Variants in LIMS1 observed in about 807,000 individuals in gnomAD.
LIMS1 encodes LIM and senescent cell antigen-like-containing domain protein 1.
A neutral mutation model predicts 44.1 loss-of-function variants in LIMS1; 18 were observed. That is an observed-to-expected ratio of 0.41 (90% CI 0.28 to 0.61). LIMS1 has a LOEUF of 0.61. Among genes scored for constraint, LIMS1 ranks in the 20% least tolerant of loss-of-function variants. The pLI is 0.32. For synonymous variants in LIMS1, 93 were observed against 149.1 expected, an observed-to-expected ratio of 0.62 and a Z score of 2.74; for missense variants, 201 against 422.0, an observed-to-expected ratio of 0.48 and a Z score of 4.59.
chr2:108,554,537 C>A (rs1684857424), intron 1 of LIMS1, among the ~76,000 whole-genome samples: 1 of 152,154 alleles, frequency 6.6e-6, no homozygotes, highest in Admixed American at 6.5e-5. Flanking sequence ...AACAGCTTGC[C>A]ATTAGAGCTA....
At chr2:108,551,489 GCGCACACACACACACACACA>G (rs1168761418) in intron 1 of LIMS1, among the ~76,000 whole-genome samples, 2 of 111,976 alleles carry the variant, frequency 1.8e-5, no homozygotes, top group Admixed American at 9.4e-5. Flanking sequence ...ATGCGCGCGC[GCGCACACACACACACACACA>G]CACACACACA....
intron 1 of LIMS1, among the ~76,000 whole-genome samples, chr2:108,535,158 TTAG>T (rs1198953220): frequency 1.3e-5 from 2 of 152,248 alleles, no homozygotes; most frequent in East Asian, 3.8e-4. Context: ...GTTGTCTGAC[TTAG>T]TAGAGACAAC....
chr2:108,674,922 C>T (rs549324424), intron 5 of LIMS1, among the ~76,000 whole-genome samples: 94 of 151,126 alleles, frequency 6.2e-4, no homozygotes, highest in African/African-American at 2.2e-3. Flanking sequence ...CAAACAAGTC[C>T]GTTTGACTAA....
chr2:108,626,685 T>A (rs771057302), intron 1 of LIMS1, among the ~76,000 whole-genome samples: 2 of 152,244 alleles, frequency 1.3e-5, no homozygotes, highest in Non-Finnish European at 2.9e-5. Flanking sequence ...ACCTCTTTTA[T>A]TCTAGATTAA....
intron 1 of LIMS1, among the ~76,000 whole-genome samples, chr2:108,634,844 T>C (rs1176323018): frequency 6.6e-6 from 1 of 152,250 alleles, no homozygotes; most frequent in Non-Finnish European, 1.5e-5. Flanking sequence ...AAGGAGCTGC[T>C]GTCCTAGCCA....
intron 1 of LIMS1, among the ~76,000 whole-genome samples, chr2:108,575,140 A>G (rs1685622109): frequency 6.6e-6 from 1 of 152,134 alleles, no homozygotes; most frequent in South Asian, 2.1e-4. Flanking sequence ...TGGGGTTCTC[A>G]ATCTTACAAA....
At chr2:108,639,644 G>T (rs1689533644) in intron 1 of LIMS1, among the ~76,000 whole-genome samples, 1 of 152,008 alleles carries the variant, frequency 6.6e-6, no homozygotes, top group Non-Finnish European at 1.5e-5. Flanking sequence ...GTAGAGACAG[G>T]GTTTCACCAT....
intron 1 of LIMS1, among the ~76,000 whole-genome samples, chr2:108,645,812 A>T (rs1221618707): frequency 6.6e-6 from 1 of 150,884 alleles, no homozygotes; most frequent in African/African-American, 2.4e-5. Context: ...TACCAAGCAA[A>T]TGGAAAGCAA....
chr2:108,558,575 T>G (rs561909954), intron 1 of LIMS1, among the ~76,000 whole-genome samples: 10 of 152,218 alleles, frequency 6.6e-5, no homozygotes, highest in African/African-American at 2.2e-4. Flanking sequence ...TTTTGTTAGA[T>G]GTGAATAAAT....
intron 1 of LIMS1, among the ~76,000 whole-genome samples, chr2:108,538,892 T>A (rs979503856): frequency 2.0e-4 from 30 of 152,216 alleles, no homozygotes; most frequent in Non-Finnish European, 3.1e-4. Flanking sequence ...ATTGCTTTTT[T>A]ACTTCAACAA....
At chr2:108,579,882 A>G (rs1685820963) in intron 1 of LIMS1, among the ~76,000 whole-genome samples, 1 of 152,186 alleles carries the variant, frequency 6.6e-6, no homozygotes, top group South Asian at 2.1e-4. Flanking sequence ...GAATCATCCC[A>G]AGAAGAGTTT....
chr2:108,544,995 A>G (rs1017038162), intron 1 of LIMS1, among the ~76,000 whole-genome samples: 2 of 152,210 alleles, frequency 1.3e-5, no homozygotes, highest in Non-Finnish European at 2.9e-5. Flanking sequence ...TCAACTACAC[A>G]GTGTTTAAAT....
intron 1 of LIMS1, among the ~76,000 whole-genome samples, chr2:108,644,081 TGG>T (rs756978559): frequency 3.3e-5 from 5 of 152,206 alleles, no homozygotes; most frequent in Non-Finnish European, 5.9e-5. Flanking sequence ...GGGGTGGTTG[TGG>T]GCACAGCTTC....
chr2:108,667,403 G>C (rs1691833953), intron 2 of LIMS1, among the ~76,000 whole-genome samples: 1 of 152,042 alleles, frequency 6.6e-6, no homozygotes. Context: ...CTTTCAGCCA[G>C]ATTTTGAACG....
chr2:108,638,809 C>T (rs982401867), intron 1 of LIMS1, among the ~76,000 whole-genome samples: 1 of 151,824 alleles, frequency 6.6e-6, no homozygotes, highest in Admixed American at 6.6e-5. Flanking sequence ...TTGGAGAGGC[C>T]GAGGCGGGTG....
At chr2:108,548,142 G>GA (rs1389747612) in intron 1 of LIMS1, among the ~76,000 whole-genome samples, 1 of 152,170 alleles carries the variant, frequency 6.6e-6, no homozygotes, top group Admixed American at 6.5e-5. Flanking sequence ...GGATAATGAT[G>GA]AAAAAATGTG....
chr2:108,576,962 C>T (rs1054184502), intron 1 of LIMS1, among the ~76,000 whole-genome samples: 2 of 152,178 alleles, frequency 1.3e-5, no homozygotes, highest in African/African-American at 4.8e-5. Flanking sequence ...CAGGGATGCT[C>T]ATGGCTGCCA....
chr2:108,586,024 TTACTAAAAA>T (rs749599425), intron 1 of LIMS1, among the ~76,000 whole-genome samples: 13 of 151,980 alleles, frequency 8.6e-5, no homozygotes, highest in Non-Finnish European at 1.8e-4. Context: ...AAACCCCATC[TTACTAAAAA>T]TACAAAAAAT....
intron 1 of LIMS1, among the ~76,000 whole-genome samples, chr2:108,542,864 A>T (rs1001379572): frequency 6.6e-6 from 1 of 152,224 alleles, no homozygotes; most frequent in African/African-American, 2.4e-5. Context: ...TGCATTGGGT[A>T]AGATTCAGTT....
Sources: allele counts gnomAD v4.1 joint callset (sites outside exome capture counted in the v4.1 genomes callset), GRCh38; gene constraint gnomAD v4.1.1; transcripts MANE v1.5; gene names NCBI Gene and HGNC (gene_info 2026-07-23, HGNC 2026-07-21).